KXD1: variants seen among roughly 807,000 people sequenced by gnomAD.
The protein encoded by KXD1 is KxDL motif containing 1, also known as kxDL motif-containing protein 1.
KXD1 carries 5 observed loss-of-function variants against 12.1 expected under a neutral mutation model. The observed-to-expected ratio is 0.41, with a 90% CI of 0.22 to 0.87. The LOEUF is 0.87. KXD1 is among the 40% of genes least tolerant of loss of function. The probability of loss-of-function intolerance (pLI) is 0.31; values close to 1 mark genes in which losing one functional copy is unlikely to be tolerated. For missense variants in KXD1, 193 were observed against 244.9 expected (o/e 0.79, Z 1.41); for synonymous variants, 98 against 100.5 (o/e 0.98, Z 0.15).
Position 18,568,923 on chromosome 19 carries a change from C to T in KXD1, c.*292C>T, listed in dbSNP as rs1975392731. ...TGGGCACAGGGGAATTTTTCCAGAG[C>T]TGAGCCTGACGTCTGCTCTGAAGAA... On this transcript the variant is annotated 3_prime_UTR_variant, in exon 5 of 5. Transcript: ENST00000222307. 1.3e-5 allele frequency: 6 copies of T among 453,082 alleles called. No homozygotes were observed. The South Asian group carries it at 1.5e-4, about 12-fold the overall frequency. 28.1% of individuals were successfully genotyped at this position (453,082 alleles called of 1,614,324 possible).
Position 18,568,991 on chromosome 19 carries a change from C to T in KXD1, c.*360C>T. On this transcript the variant is annotated 3_prime_UTR_variant, in exon 5 of 5. Coordinates refer to ENST00000222307, the MANE Select transcript of KXD1 (RefSeq NM_024069.4). Reference sequence around the variant, plus strand: ...GACACCAGAGCCAGATGTCCCCCACCACCGGTCAGGACCTCCTTGAGGTGC... The same window carrying T: ...GACACCAGAGCCAGATGTCCCCCACTACCGGTCAGGACCTCCTTGAGGTGC... 3.4e-6 allele frequency: 1 copy of T among 293,008 alleles called. No individual in the cohort carries two copies. Among genetic ancestry groups the T allele is most frequent in the Non-Finnish European group, 6.5e-6 (1 of 153,914 alleles). The allele number at this position is 293,008 out of a possible 1,614,324, so 18.2% of individuals were successfully genotyped here. A position where few individuals can be genotyped will look rare whatever the true frequency, so the allele number is the denominator to read the frequency against.
At chr19:18,566,997 G>T (rs1975274948) in intron 3 of KXD1, 135 bp from the exon 4 acceptor site, 1 of 724,870 alleles carries the variant, frequency 1.4e-6, no homozygotes. Flanking sequence ...GTGAAGATGT[G>T]AGGTGATGAA....
rs150157478 is a variant in KXD1 at position 18,562,912 on chromosome 19, C to T, written c.101+755C>T. On this transcript the variant is annotated intron_variant, in intron 2 of 4. Coordinates refer to ENST00000222307, the MANE Select transcript of KXD1 (RefSeq NM_024069.4). ...GGGTTTGGTGCTGTGGCTGCTGAAA[C>T]CTTGCCCTAATTCAGGCCTGCCCTG... Among the ~76,000 whole-genome samples the T allele has an allele frequency of 6.0e-3, 911 of 152,370 alleles. 8 individuals are homozygous for T. The highest frequency in any genetic ancestry group is 0.02 in the African/African-American group (850 of 41,594).
At chr19:18,565,109 G>C (rs1472287280) in intron 3 of KXD1, 88 bp downstream of exon 3, 1 of 1,549,676 alleles carries the variant, frequency 6.5e-7, no homozygotes, top group Non-Finnish European at 8.7e-7. Flanking sequence ...CCAGGGTAAA[G>C]GGAGATTTCT....
chr19:18,568,569 C>G lies in KXD1; in HGVS notation c.469C>G (p.Pro157Ala), dbSNP rs7648. ...PGFEDLSHVQ[P>A]GSPAINGRSQ... ...CTTCGAGGACCTGTCCCATGTCCAGCCTGGCTCCCCAGCCATCAACGGCCG... is the reference window on the plus strand; with the variant it reads ...CTTCGAGGACCTGTCCCATGTCCAGGCTGGCTCCCCAGCCATCAACGGCCG... The change falls in exon 5 of 5, where the codon CCT (proline) becomes GCT (alanine). Residue 157 changes from proline to alanine, a missense_variant. Physicochemically the swap from Pro to Ala is conservative, Grantham distance 27. Transcript: ENST00000222307. The G allele has an allele frequency of 0.55, 881,949 of 1,613,214 alleles. 247,839 individuals carry two copies. Among genetic ancestry groups the G allele is most frequent in the East Asian group, 0.66 (29,682 of 44,856 alleles).
At position 18,564,919 on chromosome 19, in the gene KXD1, T is replaced by G; in HGVS notation, c.152T>G (p.Leu51Arg). ...GAGATGCTGCTCAACTTCAACAACC[T>G]GTCCAGTGCCCGCCTGCAGCAGATG... ...TNEMLLNFNN[L>R]SSARLQQMSE... Residue 51 changes from leucine (L) to arginine (R), a missense_variant, in exon 3 of 5, where the codon CTG (leucine) becomes CGG (arginine). By Grantham distance (102) the Leu-to-Arg change is moderately radical. Coordinates refer to ENST00000222307, the MANE Select transcript of KXD1 (RefSeq NM_024069.4). 6.2e-7 allele frequency: 1 copy of G among 1,613,760 alleles called. No homozygotes were observed. The highest frequency in any genetic ancestry group is 8.5e-7 in the Non-Finnish European group (1 of 1,180,042).
intron 2 of KXD1, among the ~76,000 whole-genome samples, chr19:18,564,276 C>T (rs1311068150): frequency 6.6e-6 from 1 of 152,092 alleles, no homozygotes; most frequent in African/African-American, 2.4e-5. Flanking sequence ...CCTCCTGGCC[C>T]TATGGTGTCA....
rs1051429071 is a variant in KXD1, at chr19:18,568,544, C to G, written c.444C>G (p.Gly148=). ...PDTVSPSLSP[G]FEDLSHVQPG... ...CCGTCTCGCCCTCCCTGAGCCCCGG[C>G]TTCGAGGACCTGTCCCATGTCCAGC... Residue 148 remains glycine (G), a synonymous_variant, in exon 5 of 5, where the codon GGC becomes GGG. Coordinates refer to ENST00000222307, the MANE Select transcript of KXD1 (RefSeq NM_024069.4). The G allele has an allele frequency of 2.5e-6, 4 of 1,613,868 alleles. No homozygotes were observed. The highest frequency in any genetic ancestry group is 3.4e-6 in the Non-Finnish European group (4 of 1,180,038).
chr19:18,561,921 T>G, intron 1 of KXD1, 115 bp from the exon 2 acceptor site: 2 of 598,464 alleles, frequency 3.3e-6, no homozygotes, highest in Non-Finnish European at 5.7e-6. Context: ...ACATCCCCAC[T>G]GTAGGATACC....
chr19:18,564,786 C>G (rs1975120449), intron 2 of KXD1, 83 bp from the exon 3 acceptor site: 1 of 1,501,354 alleles, frequency 6.7e-7, no homozygotes, highest in Non-Finnish European at 9.1e-7. Flanking sequence ...CAGGCAAGGG[C>G]TTGGCATGAA....
At chr19:18,568,271 A>T in intron 4 of KXD1, 131 bp from the exon 5 acceptor site, 1 of 668,936 alleles carries the variant, frequency 1.5e-6, no homozygotes, top group Non-Finnish European at 2.6e-6. Flanking sequence ...GTCTCAAAAA[A>T]AAAAAAAAAA....
At chr19:18,568,351 C>A in intron 4 of KXD1, 51 bp from the exon 5 acceptor site, 1 of 1,398,204 alleles carries the variant, frequency 7.2e-7, no homozygotes, top group South Asian at 1.2e-5. Context: ...AGTCCTACAT[C>A]ACAGAGCTTG....
Position 18,562,103 on chromosome 19 carries a change from T to A in KXD1, c.47T>A (p.Leu16Gln), listed in dbSNP as rs1974943455. The change falls in exon 2 of 5, where the codon CTG (leucine) becomes CAG (glutamine). Residue 16 changes from leucine (L) to glutamine (Q), a missense_variant. Transcript: ENST00000222307. The part of the protein sequence containing the change: ...SASRVFCGRI[L>Q]SMVNTDDVNA... ...TCGAGGGTCTTCTGCGGCCGCATCC[T>A]GAGCATGGTGAACACAGATGATGTC... 1 of 1,613,566 alleles carries A rather than the reference T, an allele frequency of 6.2e-7. No individual in the cohort carries two copies. The highest frequency in any genetic ancestry group is 1.1e-5 in the South Asian group (1 of 90,960).
chr19:18,566,695 A>G (rs1336662518), intron 3 of KXD1, among the ~76,000 whole-genome samples: 2 of 151,696 alleles, frequency 1.3e-5, no homozygotes, highest in Non-Finnish European at 2.9e-5. Context: ...TGGGAGGCTG[A>G]GGGAGGACAA....
intron 1 of KXD1, chr19:18,561,585 TAAGAG>T (rs1034416401): frequency 2.2e-4 from 33 of 152,486 alleles, no homozygotes; most frequent in African/African-American, 8.0e-4. Flanking sequence ...GGTCAAGTAG[TAAGAG>T]AAGCGGTAAG....
In KXD1 at chr19:18,564,970, G is replaced by A. The variant is rs149918796; in HGVS notation, c.203G>A (p.Arg68Lys). Residue 68 changes from arginine to lysine, a missense_variant, in exon 3 of 5, where the codon AGG becomes AAG. Arg to Lys is a conservative substitution (Grantham distance 26). Coordinates refer to ENST00000222307, the MANE Select transcript of KXD1 (RefSeq NM_024069.4). ...QMSERFLHHT[R>K]TLVEMKRDLD... is the part of the protein sequence containing the mutation. ...AGCGAACGCTTCCTGCACCACACGA[G>A]GACCCTAGTAGAGATGAAACGGGAC... 1 of 1,611,914 alleles carries A rather than the reference G, an allele frequency of 6.2e-7. No individual in the cohort carries two copies. The highest frequency in any genetic ancestry group is 8.5e-7 in the Non-Finnish European group (1 of 1,180,000).
intron 2 of KXD1, among the ~76,000 whole-genome samples, chr19:18,562,860 G>A (rs537422728): frequency 6.6e-5 from 10 of 152,316 alleles, no homozygotes; most frequent in South Asian, 2.1e-4. Flanking sequence ...CTCTTGGAGC[G>A]GACATAAAGG....
In KXD1 at chr19:18,563,745, G is replaced by A. The variant is rs112041952; in HGVS notation, c.102-1124G>A. ...TCTCAATCTCTTGACTTCGTGATCC[G>A]CCCGCCTCAGCCTCCCAAAGTGCTG... On this transcript the variant is annotated intron_variant, in intron 2 of 4. Coordinates refer to ENST00000222307, the MANE Select transcript of KXD1 (RefSeq NM_024069.4). Among the ~76,000 whole-genome samples, 1,499 of 152,056 alleles carry A rather than the reference G, an allele frequency of 9.9e-3. 11 individuals are homozygous for A. The highest frequency in any genetic ancestry group is 0.011 in the Non-Finnish European group (758 of 67,978).
At position 18,564,717 on chromosome 19, in the gene KXD1, C is replaced by T. The variant is rs1600579496; in HGVS notation, c.102-152C>T. The T allele has an allele frequency of 1.1e-5, 9 of 831,786 alleles. No homozygotes were observed. The East Asian group carries it at 2.2e-4, about 20-fold the overall frequency. The allele number at this position is 831,786 out of a possible 1,614,324, so 51.5% of individuals were successfully genotyped here. A position where few individuals can be genotyped will look rare whatever the true frequency, so the allele number is the denominator to read the frequency against. The stretch of plus-strand genomic sequence containing the variant: ...GGTTGAATAGGAGTTTGCTAGGTGG[C>T]TCAAAGAGTAGGTAGAACTCTGCAG... On this transcript the variant is annotated intron_variant, in intron 2 of 4. Coordinates refer to ENST00000222307, the MANE Select transcript of KXD1 (RefSeq NM_024069.4).
Sources: gnomAD v4.1 joint callset for allele counts (sites outside exome capture counted in the v4.1 genomes callset) on GRCh38, gnomAD v4.1.1 for gene constraint, MANE v1.5 for transcripts, NCBI Gene and HGNC (gene_info 2026-07-23, HGNC 2026-07-21) for gene names.